Variants in TATDN2 observed in about 807,000 individuals in gnomAD.
TATDN2 encodes the protein TatD DNase domain containing 2, also known as 3'-5' RNA nuclease TATDN2.
Under a neutral mutation model 60.3 loss-of-function variants are expected in TATDN2, and 44 were observed. That is an observed-to-expected ratio of 0.73 (90% CI 0.57 to 0.94). The LOEUF is 0.94. Among genes scored for constraint, TATDN2 ranks in the 40% least tolerant of loss-of-function variants. The probability of loss-of-function intolerance (pLI) is 0.00; values close to 1 mark genes in which losing one functional copy is unlikely to be tolerated. For synonymous variants in TATDN2, 399 were observed against 355.8 expected, an observed-to-expected ratio of 1.12 and a Z score of -1.37; for missense variants, 997 against 948.0, an observed-to-expected ratio of 1.05 and a Z score of -0.68.
intron 3 of TATDN2, among the ~76,000 whole-genome samples, chr3:10,261,946 T>C (rs1698411981): frequency 6.6e-6 from 1 of 152,230 alleles, no homozygotes; most frequent in Non-Finnish European, 1.5e-5. Flanking sequence ...GTTAAGTCTG[T>C]GTAAGATTTG....
Position 10,249,300 on chromosome 3 carries a change from C to G in TATDN2, c.100C>G (p.Pro34Ala), listed in dbSNP as rs751106344. The change falls in exon 2 of 8, where the codon CCC becomes GCC. Residue 34 changes from proline to alanine, a missense_variant. By Grantham distance (27) the Pro-to-Ala change is conservative. Coordinates refer to ENST00000448281, the MANE Select transcript of TATDN2 (RefSeq NM_014760.4). Reference protein sequence around the residue: ...SCLREPCDVAPSSRPAQRSAS... With the variant: ...SCLREPCDVAASSRPAQRSAS... ...CCTCCGGGAGCCCTGTGATGTGGCC[C>G]CCTCCAGCCGGCCAGCTCAGAGGTC... 2 of 1,605,946 alleles carry G rather than the reference C, an allele frequency of 1.2e-6. No individual in the cohort carries two copies. Among genetic ancestry groups the G allele is most frequent in the Non-Finnish European group, 1.7e-6 (2 of 1,174,802 alleles).
Position 10,248,825 on chromosome 3 carries a change from T to TG in TATDN2, c.-249_-248insG, listed in dbSNP as rs1559457692. 2 of 39,250 alleles carry TG rather than the reference T, an allele frequency of 5.1e-5. No individual in the cohort carries two copies. Among genetic ancestry groups the TG allele is most frequent in the Non-Finnish European group, 7.6e-5 (2 of 26,410 alleles). 2.4% of individuals were successfully genotyped at this position (39,250 alleles called of 1,614,324 possible). A position where few individuals can be genotyped will look rare whatever the true frequency, so the allele number is the denominator to read the frequency against. ...AGCGCCATGTGGTCTTCTGAAGCGC[T>TG]TGACAGTTCTAAAGGGCTTTATATT... On this transcript the variant is annotated 5_prime_UTR_variant, in exon 1 of 8. An upstream open reading frame in the 5' UTR gains an earlier in-frame stop. Coordinates refer to ENST00000448281, the MANE Select transcript of TATDN2 (RefSeq NM_014760.4).
intron 3 of TATDN2, among the ~76,000 whole-genome samples, chr3:10,262,527 CTTT>C (rs60747520): frequency 3.3e-5 from 2 of 59,984 alleles, no homozygotes; most frequent in Middle Eastern, 0.019. Context: ...TTCTTCTGGG[CTTT>C]TTTTTTTTTT....
chr3:10,255,386 T>C (rs1698294102), intron 2 of TATDN2, among the ~76,000 whole-genome samples: 1 of 152,182 alleles, frequency 6.6e-6, no homozygotes, highest in South Asian at 2.1e-4. Context: ...GAACTTGAGT[T>C]TGAATCCCGG....
chr3:10,250,159 G>A (rs1376116335), intron 2 of TATDN2, among the ~76,000 whole-genome samples: 4 of 147,678 alleles, frequency 2.7e-5, no homozygotes, highest in Non-Finnish European at 5.9e-5. Context: ...GTTTTGCTTG[G>A]TGGTGCTAGT....
chr3:10,263,368 C>T (rs534458954), intron 3 of TATDN2, among the ~76,000 whole-genome samples: 15 of 152,226 alleles, frequency 9.9e-5, no homozygotes, highest in South Asian at 6.2e-4. Context: ...TACTGTACTT[C>T]GCTGATGTTT....
Position 10,278,539 on chromosome 3 carries a change from G to T in TATDN2, c.2145+77G>T. 6.3e-7 allele frequency: 1 copy of T among 1,580,570 alleles called. No homozygotes were observed. The highest frequency in any genetic ancestry group is 8.7e-7 in the Non-Finnish European group (1 of 1,154,482). ...GTGGGTGGTCACCCTTACAAGGTTG[G>T]CAGGGCCAGAGCCCCAGTGACTTCC... is the stretch of plus-strand genomic sequence containing the variant. On this transcript the variant is annotated intron_variant, in intron 6 of 7. Coordinates refer to ENST00000448281, the MANE Select transcript of TATDN2 (RefSeq NM_014760.4). The surrounding 1 kb of genome is among the most constrained non-coding windows in gnomAD (Gnocchi z 4.7).
At chr3:10,265,769 G>C (rs1270962036) in intron 3 of TATDN2, among the ~76,000 whole-genome samples, 1 of 149,492 alleles carries the variant, frequency 6.7e-6, no homozygotes, top group Non-Finnish European at 1.5e-5. Context: ...TTATTTTTCT[G>C]TGGTCCCCTT....
chr3:10,274,488 A>G (rs1698606822), intron 4 of TATDN2, among the ~76,000 whole-genome samples: 1 of 152,250 alleles, frequency 6.6e-6, no homozygotes, highest in Non-Finnish European at 1.5e-5. Flanking sequence ...ACAGCTGTGT[A>G]ATATTCTATC....
intron 4 of TATDN2, among the ~76,000 whole-genome samples, chr3:10,274,435 G>A (rs906850764): frequency 6.6e-6 from 1 of 152,176 alleles, no homozygotes; most frequent in African/African-American, 2.4e-5. Flanking sequence ...TTTTCTACTC[G>A]TGAAATTTTC....
intron 2 of TATDN2, among the ~76,000 whole-genome samples, chr3:10,256,621 T>C (rs1282389488): frequency 6.6e-6 from 1 of 152,124 alleles, no homozygotes; most frequent in Non-Finnish European, 1.5e-5. Context: ...AAACAGAATC[T>C]CTAACTCTGA....
chr3:10,272,437 C>G (rs1241006792), intron 4 of TATDN2, among the ~76,000 whole-genome samples: 2 of 118,238 alleles, frequency 1.7e-5, no homozygotes, highest in Non-Finnish European at 3.4e-5. Context: ...CCACACCCGG[C>G]TAATTTTTTT....
Position 10,276,296 on chromosome 3 carries a change from TC to T in TATDN2, c.1834-63del. The T allele has an allele frequency of 2.5e-6, 4 of 1,594,404 alleles. No individual in the cohort carries two copies. In the South Asian group the frequency reaches 4.5e-5, roughly 18 times the overall value. ...AGGGGGTGCCTGCTGGACTGGGCGT[TC>T]CAGAGGTGATGGACTTCTGAAGTGC... On this transcript the variant is annotated intron_variant, in intron 4 of 7. Transcript: ENST00000448281.
chr3:10,265,019 CTTTTTTTTTTTTTTCCTGTGCGTGG>C (rs1265104650), intron 3 of TATDN2, among the ~76,000 whole-genome samples: 19 of 76,442 alleles, frequency 2.5e-4, no homozygotes, highest in African/African-American at 1.1e-3. Flanking sequence ...TTTTTTTGGT[CTTTTTTTTTTTTTTCCTGTGCGTGG>C]TTTTTTTTTT....
chr3:10,274,299 T>A (rs1210594380), intron 4 of TATDN2, among the ~76,000 whole-genome samples: 1 of 152,218 alleles, frequency 6.6e-6, no homozygotes, highest in African/African-American at 2.4e-5. Context: ...CTTGGAAAAT[T>A]GCAAGGTACA....
rs1364754379 is a variant in TATDN2, at chr3:10,276,317, A to T, written c.1834-44A>T. The T allele has an allele frequency of 4.4e-6, 7 of 1,607,770 alleles. No homozygotes were observed. In the South Asian group the frequency reaches 4.4e-5, roughly 10 times the overall value. Reference sequence around the variant, plus strand: ...GCGTTCCAGAGGTGATGGACTTCTGAAGTGCTGCTAACCAACAGGGGTTGT... The same window carrying T: ...GCGTTCCAGAGGTGATGGACTTCTGTAGTGCTGCTAACCAACAGGGGTTGT... On this transcript the variant is annotated intron_variant, in intron 4 of 7. Coordinates refer to ENST00000448281, the MANE Select transcript of TATDN2 (RefSeq NM_014760.4).
At chr3:10,253,431 C>T (rs527484843) in intron 2 of TATDN2, among the ~76,000 whole-genome samples, 26 of 152,328 alleles carry the variant, frequency 1.7e-4, no homozygotes, top group African/African-American at 4.6e-4. Context: ...ATTTTAGAAT[C>T]GGTAGAGATC....
intron 4 of TATDN2, among the ~76,000 whole-genome samples, chr3:10,273,375 C>T (rs1698593497): frequency 6.6e-6 from 1 of 152,188 alleles, no homozygotes; most frequent in Non-Finnish European, 1.5e-5. Context: ...AGTTGGATGT[C>T]AGTGCTGAGT....
Position 10,260,121 on chromosome 3 carries a change from G to GTT in TATDN2, c.415-7_415-6dup, listed in dbSNP as rs199783527. On this transcript the variant is annotated splice_polypyrimidine_tract_variant and intron_variant, in intron 2 of 7. Transcript: ENST00000448281. ...CCCTTGGAACAGCCCTTTCAATTCT[G>GTT]TTTTTTTTTTCCCAGGTTGATTCCA... is the stretch of plus-strand genomic sequence containing the variant. 14 of 1,386,756 alleles carry GTT rather than the reference G, an allele frequency of 1.0e-5. No individual in the cohort carries two copies. The South Asian group carries it at 1.2e-4, about 12-fold the overall frequency. 85.9% of individuals were successfully genotyped at this position (1,386,756 alleles called of 1,614,324 possible). A position where few individuals can be genotyped will look rare whatever the true frequency, so the allele number is the denominator to read the frequency against.
Sources: allele counts gnomAD v4.1 joint callset (sites outside exome capture counted in the v4.1 genomes callset), GRCh38; gene constraint gnomAD v4.1.1; non-coding constraint Gnocchi (gnomAD v3.1); transcripts MANE v1.5; gene names NCBI Gene and HGNC (gene_info 2026-07-23, HGNC 2026-07-21).